MCTP1: variants seen among roughly 807,000 people sequenced by gnomAD.
MCTP1 encodes the protein multiple C2 and transmembrane domain containing 1, also known as multiple C2 and transmembrane domain-containing protein 1.
In MCTP1, 69 loss-of-function variants were observed where a neutral mutation model predicts 120.6. That is an observed-to-expected ratio of 0.57 (90% CI 0.47 to 0.70). MCTP1 has a LOEUF of 0.70. Ranked by LOEUF, MCTP1 falls within the 30% of genes least tolerant of loss-of-function variation. The pLI, the probability that MCTP1 is intolerant of heterozygous loss-of-function variation, is 0.00. For synonymous variants in MCTP1, 529 were observed against 493.1 expected (o/e 1.07, Z -0.96); for missense variants, 1,203 against 1,248.8 (o/e 0.96, Z 0.55).
At chr5:94,910,840 A>G (rs1394659502) in intron 9 of MCTP1, among the ~76,000 whole-genome samples, 1 of 152,122 alleles carries the variant, frequency 6.6e-6, no homozygotes, top group Non-Finnish European at 1.5e-5. Context: ...CCCATGGCAG[A>G]AAAAAAATGG....
chr5:95,211,537 A>C (rs2152567940), intron 1 of MCTP1, among the ~76,000 whole-genome samples: 2 of 152,258 alleles, frequency 1.3e-5, no homozygotes, highest in South Asian at 4.1e-4. Flanking sequence ...AGCTCCTTTA[A>C]GCACTTCTCT....
chr5:94,935,664 T>G (rs1459816095), intron 5 of MCTP1, among the ~76,000 whole-genome samples: 1 of 152,082 alleles, frequency 6.6e-6, no homozygotes. Flanking sequence ...AACTAACATC[T>G]TCAGTGCTAA....
At chr5:94,994,279 A>G (rs1832180912) in intron 2 of MCTP1, among the ~76,000 whole-genome samples, 1 of 152,200 alleles carries the variant, frequency 6.6e-6, no homozygotes, top group Non-Finnish European at 1.5e-5. Context: ...CAGGAGCTCC[A>G]GGAAGAAGAG....
At chr5:95,177,303 C>G (rs1038193810) in intron 1 of MCTP1, among the ~76,000 whole-genome samples, 3 of 151,970 alleles carry the variant, frequency 2.0e-5, no homozygotes, top group Non-Finnish European at 4.4e-5. Context: ...GGGAAGACTC[C>G]AAAGGCAATG....
chr5:95,070,464 C>G (rs895320162), intron 1 of MCTP1, among the ~76,000 whole-genome samples: 1 of 152,230 alleles, frequency 6.6e-6, no homozygotes, highest in African/African-American at 2.4e-5. Context: ...GCTTCCACAG[C>G]CACTCTGATT....
intron 19 of MCTP1, among the ~76,000 whole-genome samples, chr5:94,765,323 T>G (rs921408522): frequency 6.6e-6 from 1 of 152,166 alleles, no homozygotes; most frequent in Admixed American, 6.5e-5. Flanking sequence ...AATTTAATGA[T>G]GTACCTCAAG....
At chr5:95,240,166 C>T (rs1160691204) in intron 1 of MCTP1, among the ~76,000 whole-genome samples, 4 of 152,118 alleles carry the variant, frequency 2.6e-5, no homozygotes, top group Non-Finnish European at 5.9e-5. Context: ...ATCAGTATCT[C>T]TTAATGTTTG....
intron 1 of MCTP1, among the ~76,000 whole-genome samples, chr5:95,064,584 C>T (rs1315074006): frequency 1.3e-5 from 2 of 152,152 alleles, no homozygotes; most frequent in Non-Finnish European, 2.9e-5. Flanking sequence ...CAACAATAAT[C>T]TAATAGTATT....
At chr5:95,159,150 T>C (rs1745450401) in intron 1 of MCTP1, among the ~76,000 whole-genome samples, 1 of 152,210 alleles carries the variant, frequency 6.6e-6, no homozygotes, top group Admixed American at 6.5e-5. Flanking sequence ...TAAAGGGTTG[T>C]CAACTCTATC....
rs70978134 is a variant in MCTP1, at chr5:94,847,646, C to CTGTGTG, written c.2436+20681_2436+20686dup. ...ACTGATCATATTAAGAAGCAGCAAT[C>CTGTGTG]TGTGTGTGTGTGTGTGTGTGTGTGT... On this transcript the variant is annotated intron_variant, in intron 17 of 22. Coordinates refer to ENST00000515393, the MANE Select transcript of MCTP1 (RefSeq NM_024717.7). 6.0e-3 allele frequency among the ~76,000 whole-genome samples: 699 copies of CTGTGTG among 115,676 alleles called. 8 individuals are homozygous for CTGTGTG. Among genetic ancestry groups the CTGTGTG allele is most frequent in the African/African-American group, 0.022 (649 of 30,046 alleles). The allele number at this position is 115,676 out of a possible 152,430, so 75.9% of individuals were successfully genotyped here.
chr5:94,839,136 C>T (rs1429305944), intron 17 of MCTP1, among the ~76,000 whole-genome samples: 3 of 152,150 alleles, frequency 2.0e-5, no homozygotes, highest in Admixed American at 2.0e-4. Flanking sequence ...TAAATACTCC[C>T]CTCAGATACC....
At chr5:94,914,934 T>C (rs1225433408) in intron 8 of MCTP1, among the ~76,000 whole-genome samples, 1 of 152,232 alleles carries the variant, frequency 6.6e-6, no homozygotes, top group Admixed American at 6.5e-5. Context: ...ATGACTGGTT[T>C]AACCACTTCT....
chr5:95,077,524 G>C (rs1439046225), intron 1 of MCTP1, among the ~76,000 whole-genome samples: 3 of 151,752 alleles, frequency 2.0e-5, no homozygotes, highest in Non-Finnish European at 4.4e-5. Context: ...CCAGGCTGGA[G>C]TGCAGTGGCG....
At chr5:94,917,254 C>A (rs978388432) in intron 8 of MCTP1, among the ~76,000 whole-genome samples, 2 of 152,088 alleles carry the variant, frequency 1.3e-5, no homozygotes, top group East Asian at 3.9e-4. Flanking sequence ...TTGCATATTG[C>A]GGCTGGTACT....
At chr5:94,930,130 C>CAGT (rs1292674068) in intron 6 of MCTP1, among the ~76,000 whole-genome samples, 2 of 151,434 alleles carry the variant, frequency 1.3e-5, no homozygotes, top group African/African-American at 4.9e-5. Flanking sequence ...AGATATAAAA[C>CAGT]AGTAGAGGAT....
intron 1 of MCTP1, among the ~76,000 whole-genome samples, chr5:95,251,066 C>T (rs1011196177): frequency 6.6e-6 from 1 of 152,108 alleles, no homozygotes; most frequent in Non-Finnish European, 1.5e-5. Context: ...TTGGTAAACA[C>T]AGATTTAGCA....
intron 1 of MCTP1, among the ~76,000 whole-genome samples, chr5:95,109,564 G>A (rs749744882): frequency 4.0e-5 from 6 of 151,690 alleles, no homozygotes; most frequent in Admixed American, 2.6e-4. Context: ...AAAAAATTTC[G>A]TACCAGAAAG....
chr5:95,004,225 G>A (rs558369209), intron 2 of MCTP1, among the ~76,000 whole-genome samples: 2 of 152,260 alleles, frequency 1.3e-5, no homozygotes, highest in South Asian at 2.1e-4. Context: ...TTCAAGATGT[G>A]GCCTGGCTGC....
At chr5:94,843,335 T>A (rs992755806) in intron 17 of MCTP1, among the ~76,000 whole-genome samples, 1 of 151,778 alleles carries the variant, frequency 6.6e-6, no homozygotes, top group South Asian at 2.1e-4. Flanking sequence ...GTACATAGAG[T>A]GGTTTTTTGA....
Sources: allele counts gnomAD v4.1 joint callset (sites outside exome capture counted in the v4.1 genomes callset), GRCh38; gene constraint gnomAD v4.1.1; transcripts MANE v1.5; gene names NCBI Gene and HGNC (gene_info 2026-07-23, HGNC 2026-07-21).